Variants in DPH6 observed in about 807,000 individuals in gnomAD.
DPH6 encodes the protein diphthine--ammonia ligase.
Under a neutral mutation model 38.2 loss-of-function variants are expected in DPH6, and 33 were observed. The observed-to-expected ratio is 0.86, with a 90% CI of 0.65 to 1.15. The LOEUF (loss-of-function observed/expected upper bound fraction) is 1.15. DPH6 is among the 50% of genes most tolerant of loss of function. DPH6 has a pLI of 0.00. For missense variants in DPH6, 325 were observed against 320.0 expected (o/e 1.02, Z -0.12); for synonymous variants, 108 against 103.0 (o/e 1.05, Z -0.30).
At chr15:35,345,691 C>T (rs1157516827) in intron 3 of DPH6, among the ~76,000 whole-genome samples, 1 of 151,732 alleles carries the variant, frequency 6.6e-6, no homozygotes, top group South Asian at 2.1e-4. Context: ...TATAATGTTC[C>T]TATTTCTTCC....
chr15:35,515,313 G>C (rs576445281), intron 3 of DPH6, among the ~76,000 whole-genome samples: 2 of 152,242 alleles, frequency 1.3e-5, no homozygotes, highest in Admixed American at 1.3e-4. Context: ...GTTCATAGGG[G>C]CTGGGTATGG....
chr15:35,389,841 A>T (rs1274072259), intron 6 of DPH6, among the ~76,000 whole-genome samples: 1 of 152,168 alleles, frequency 6.6e-6, no homozygotes, highest in Non-Finnish European at 1.5e-5. Flanking sequence ...GCCCATTTAC[A>T]TTTAAGATTA....
At chr15:35,149,605 T>C in the DPH6 span, among the ~76,000 whole-genome samples, 99,225 of 151,806 alleles carry the variant, frequency 0.65, 32,499 homozygotes, top group Middle Eastern at 0.72. Context: ...ACTGCCTGAC[T>C]GCCATGCACT....
At chr15:35,517,385 G>A (rs905281323) in intron 3 of DPH6, among the ~76,000 whole-genome samples, 1 of 152,032 alleles carries the variant, frequency 6.6e-6, no homozygotes, top group African/African-American at 2.4e-5. Context: ...TTTTAATTAA[G>A]TGGATTCTTA....
At chr15:35,446,872 T>TC in intron 5 of DPH6, among the ~76,000 whole-genome samples, 1 of 149,724 alleles carries the variant, frequency 6.7e-6, no homozygotes, top group African/African-American at 2.5e-5. Flanking sequence ...GGTGGAATCT[T>TC]TTTTTTTTTT....
chr15:35,350,542 C>A (rs1278830518), intron 3 of DPH6, among the ~76,000 whole-genome samples: 1 of 151,942 alleles, frequency 6.6e-6, no homozygotes, highest in Admixed American at 6.6e-5. Flanking sequence ...TATTTGACAT[C>A]TTTTCTCTTT....
In DPH6 at chr15:35,258,029, T is replaced by C. The variant is rs375553956; in HGVS notation, n.201-37447A>G. 4.6e-5 allele frequency among the ~76,000 whole-genome samples: 7 copies of C among 152,290 alleles called. No homozygotes were observed. In the East Asian group the frequency reaches 9.6e-4, roughly 21 times the overall value. On this transcript the variant is annotated intron_variant and non_coding_transcript_variant, in intron 3 of 3. Transcript: ENST00000560386. ...ACTTTAGCTTTCCTGTAGAACATCA[T>C]GGTCCTTCTTATTTTATGATATCTT...
intron 3 of DPH6, among the ~76,000 whole-genome samples, chr15:35,462,198 C>G (rs2054074897): frequency 6.6e-6 from 1 of 152,094 alleles, no homozygotes; most frequent in South Asian, 2.1e-4. Context: ...GACCACCACC[C>G]CTTAATTTGA....
chr15:35,194,821 G>A, the DPH6 span, among the ~76,000 whole-genome samples: 3 of 152,194 alleles, frequency 2.0e-5, no homozygotes, highest in Non-Finnish European at 4.4e-5. Flanking sequence ...CATATTAGAT[G>A]TATACATTTT....
intron 3 of DPH6, among the ~76,000 whole-genome samples, chr15:35,332,134 A>G (rs1377706305): frequency 6.6e-6 from 1 of 152,160 alleles, no homozygotes; most frequent in Admixed American, 6.6e-5. Flanking sequence ...ACTCTTCATA[A>G]ACATAAAGTT....
chr15:35,215,856 C>T (rs1490461881), downstream of DPH6, among the ~76,000 whole-genome samples: 1 of 152,198 alleles, frequency 6.6e-6, no homozygotes, highest in Non-Finnish European at 1.5e-5. Flanking sequence ...CAAGGTTTCA[C>T]AGGTGGGACA....
chr15:35,436,865 C>T (rs1025064265), intron 5 of DPH6, among the ~76,000 whole-genome samples: 2 of 151,230 alleles, frequency 1.3e-5, no homozygotes, highest in African/African-American at 4.9e-5. Flanking sequence ...CCTTTTCTCT[C>T]CCTTGTTGGA....
chr15:35,313,652 T>A (rs923572470), intron 3 of DPH6, among the ~76,000 whole-genome samples: 1 of 152,172 alleles, frequency 6.6e-6, no homozygotes, highest in East Asian at 1.9e-4. Context: ...GTTGTTGGTG[T>A]ATATAAACAC....
At chr15:35,511,357 C>G (rs1316960704) in intron 3 of DPH6, among the ~76,000 whole-genome samples, 1 of 152,074 alleles carries the variant, frequency 6.6e-6, no homozygotes, top group Non-Finnish European at 1.5e-5. Context: ...GGATCTAGAT[C>G]TCTGTCTGCA....
the DPH6 span, among the ~76,000 whole-genome samples, chr15:35,146,909 T>C: frequency 6.6e-6 from 1 of 152,160 alleles, no homozygotes; most frequent in Non-Finnish European, 1.5e-5. Context: ...TATTCATAAA[T>C]GTCTTGGGAA....
intron 3 of DPH6, among the ~76,000 whole-genome samples, chr15:35,270,313 G>C (rs995478869): frequency 1.3e-5 from 2 of 152,196 alleles, no homozygotes; most frequent in African/African-American, 4.8e-5. Flanking sequence ...ATCATTTTCA[G>C]AGAAACAATA....
chr15:35,263,825 C>A (rs756276305), intron 3 of DPH6, among the ~76,000 whole-genome samples: 5 of 152,050 alleles, frequency 3.3e-5, no homozygotes, highest in Non-Finnish European at 7.4e-5. Flanking sequence ...CATTCTCCTG[C>A]CTCAGCCTCC....
At chr15:35,233,678 G>A (rs953836785) in intron 3 of DPH6, among the ~76,000 whole-genome samples, 4 of 152,158 alleles carry the variant, frequency 2.6e-5, no homozygotes, top group Non-Finnish European at 5.9e-5. Context: ...TTATAGACAA[G>A]CACAAAGGTC....
chr15:35,479,057 C>T (rs1437875069), intron 3 of DPH6, among the ~76,000 whole-genome samples: 1 of 152,044 alleles, frequency 6.6e-6, no homozygotes, highest in Non-Finnish European at 1.5e-5. Flanking sequence ...GAACAGGAGT[C>T]TCAAACCTTC....
Sources: gnomAD v4.1 joint callset for allele counts (sites outside exome capture counted in the v4.1 genomes callset) on GRCh38, gnomAD v4.1.1 for gene constraint, MANE v1.5 for transcripts, NCBI Gene and HGNC (gene_info 2026-07-23, HGNC 2026-07-21) for gene names.